CD81: variants seen among roughly 807,000 people sequenced by gnomAD.
CD81 encodes the protein CD81 molecule, also known as CD81 antigen.
In CD81, 10 loss-of-function variants were observed where a neutral mutation model predicts 30.1. The observed-to-expected ratio is 0.33, with a 90% CI of 0.21 to 0.56. CD81 has a LOEUF of 0.56. Ranked by LOEUF, CD81 falls within the 20% of genes least tolerant of loss-of-function variation. The pLI, the probability that CD81 is intolerant of heterozygous loss-of-function variation, is 0.89. For missense variants in CD81, 263 were observed against 308.7 expected, an observed-to-expected ratio of 0.85 and a Z score of 1.11; for synonymous variants, 147 against 126.4, an observed-to-expected ratio of 1.16 and a Z score of -1.10.
intron 1 of CD81, among the ~76,000 whole-genome samples, chr11:2,381,259 C>T (rs191083878): frequency 1.1e-4 from 16 of 152,368 alleles, no homozygotes; most frequent in Admixed American, 8.5e-4. Flanking sequence ...GGGCACAGAG[C>T]AAAAGCAGGG....
chr11:2,390,230 G>A (rs1372943391), intron 1 of CD81, 182 bp from the exon 2 acceptor site: 5 of 671,454 alleles, frequency 7.4e-6, no homozygotes, highest in Non-Finnish European at 5.4e-6. Context: ...CAAAGCACCC[G>A]CCCCATGCTC....
At chr11:2,394,874 C>T in intron 3 of CD81, 98 bp from the exon 4 acceptor site, 1 of 1,103,356 alleles carries the variant, frequency 9.1e-7, no homozygotes, top group Non-Finnish European at 1.4e-6. Flanking sequence ...CTCCCACTAG[C>T]CCCTCACAGA....
At chr11:2,393,254 A>T (rs1017916377) in intron 2 of CD81, 1 of 152,398 alleles carries the variant, frequency 6.6e-6, no homozygotes, top group African/African-American at 2.4e-5. Context: ...AGAGACACTG[A>T]CAGCTGTCCC....
chr11:2,386,514 A>G, intron 1 of CD81: 2 of 713,648 alleles, frequency 2.8e-6, no homozygotes, highest in Non-Finnish European at 2.6e-6. Flanking sequence ...TTCCTCATCC[A>G]GAAACCGGCA....
At chr11:2,390,349 G>A (rs944564663) in intron 1 of CD81, 63 bp from the exon 2 acceptor site, 24 of 1,284,762 alleles carry the variant, frequency 1.9e-5, no homozygotes, top group African/African-American at 2.9e-5. Flanking sequence ...TTGCGTGTGG[G>A]GTGGGCGCAC....
At chr11:2,390,275 C>T (rs369415798) in intron 1 of CD81, 137 bp from the exon 2 acceptor site, 1 of 774,474 alleles carries the variant, frequency 1.3e-6, no homozygotes, top group East Asian at 2.5e-5. Context: ...ATTGCGAAAA[C>T]CAGCAGCAGA....
intron 5 of CD81, 84 bp downstream of exon 5, chr11:2,395,604 G>A (rs901630930): frequency 1.6e-5 from 18 of 1,097,436 alleles, no homozygotes; most frequent in South Asian, 6.4e-5. Context: ...TCCTGCCTAC[G>A]CCCAGACCTC....
At chr11:2,376,639 T>C (rs1289652328), upstream of CD81, among the ~76,000 whole-genome samples, 1 of 152,160 alleles carries the variant, frequency 6.6e-6, no homozygotes, top group Non-Finnish European at 1.5e-5. Context: ...CCTATAGGTG[T>C]CTCTGGCCTC....
In CD81 at chr11:2,395,469, G is replaced by A; in HGVS notation, c.408G>A (p.Val136=). The A allele has an allele frequency of 6.2e-7, 1 of 1,612,814 alleles. No homozygotes were observed. The highest frequency in any genetic ancestry group is 8.5e-7 in the Non-Finnish European group (1 of 1,179,926). The change falls in exon 5 of 8, where the codon GTG becomes GTA. Residue 136 remains valine (V), a synonymous_variant. Coordinates refer to ENST00000263645, the MANE Select transcript of CD81 (RefSeq NM_004356.4). ...FYDQALQQAV[V]DDDANNAKAV... ...ACCAGGCCCTACAGCAGGCCGTGGT[G>A]GATGATGACGCCAACAACGCCAAGG...
rs1849647118 is a variant in CD81, at chr11:2,378,765, A to G, written c.66+1150A>G. On this transcript the variant is annotated intron_variant, in intron 1 of 7. Coordinates refer to ENST00000263645, the MANE Select transcript of CD81 (RefSeq NM_004356.4). The surrounding 1 kb of genome is among the most constrained non-coding windows in gnomAD (Gnocchi z 4.9). ...TCGTGGAAGACTCGGCTGATGTCCC[A>G]GTGGACCGAGTGTTTCTCAAGTTGA... Among the ~76,000 whole-genome samples the G allele has an allele frequency of 6.6e-6, 1 of 151,470 alleles. No homozygotes were observed. The highest frequency in any genetic ancestry group is 1.5e-5 in the Non-Finnish European group (1 of 67,876).
intron 1 of CD81, among the ~76,000 whole-genome samples, chr11:2,383,284 C>T (rs541980866): frequency 1.3e-5 from 2 of 152,208 alleles, no homozygotes; most frequent in South Asian, 2.1e-4. Flanking sequence ...TGCTCACCAC[C>T]TAGGAGGGCC....
At chr11:2,385,908 G>T in intron 1 of CD81, 1 of 658,010 alleles carries the variant, frequency 1.5e-6, no homozygotes, top group Non-Finnish European at 2.8e-6. Flanking sequence ...TTTCTCTTGG[G>T]TAAATACCTG....
At chr11:2,396,763 G>A (rs776676009) in intron 7 of CD81, 41 bp from the exon 8 acceptor site, 15 of 1,611,970 alleles carry the variant, frequency 9.3e-6, no homozygotes, top group African/African-American at 1.3e-5. Context: ...CCCCTTCCGC[G>A]GGGCCTTGTG....
intron 1 of CD81, among the ~76,000 whole-genome samples, chr11:2,385,503 CCGT>C (rs771801509): frequency 4.6e-5 from 7 of 152,000 alleles, no homozygotes; most frequent in South Asian, 2.1e-4. Context: ...CGTGGCCTGC[CCGT>C]CGTCTATGCA....
At chr11:2,376,712 G>C (rs918509588), upstream of CD81, 1 of 152,316 alleles carries the variant, frequency 6.6e-6, no homozygotes, top group Non-Finnish European at 1.5e-5. Context: ...TTCAGATGCA[G>C]ACTCCCACAG....
At position 2,377,547 on chromosome 11, in the gene CD81, G is replaced by T. The variant is rs376883566; in HGVS notation, c.-3G>T. On this transcript the variant is annotated 5_prime_UTR_variant, in exon 1 of 8. Transcript: ENST00000263645. This position sits in a 1 kb window ranked among gnomAD's most constrained non-coding sequence, Gnocchi z 7.7. ...CCGCAGGCCGCCCGCCGCCCGCGCCGCCATGGGAGTGGAGGGCTGCACCAA... is the reference window on the plus strand; with the variant it reads ...CCGCAGGCCGCCCGCCGCCCGCGCCTCCATGGGAGTGGAGGGCTGCACCAA... The T allele has an allele frequency of 1.4e-6, 2 of 1,431,350 alleles. No individual in the cohort carries two copies. The allele number at this position is 1,431,350 out of a possible 1,614,324, so 88.7% of individuals were successfully genotyped here. A position where few individuals can be genotyped will look rare whatever the true frequency, so the allele number is the denominator to read the frequency against.
chr11:2,390,870 C>T (rs913524385), intron 2 of CD81, among the ~76,000 whole-genome samples: 2 of 142,184 alleles, frequency 1.4e-5, no homozygotes, highest in African/African-American at 2.6e-5. Flanking sequence ...AGGCAGCTGG[C>T]GCTGTGGAGC....
intron 1 of CD81, among the ~76,000 whole-genome samples, chr11:2,384,377 T>C (rs1459625004): frequency 1.7e-4 from 12 of 69,124 alleles, no homozygotes; most frequent in African/African-American, 6.2e-4. Flanking sequence ...GGTGGGGCAT[T>C]TCCTGGGGTG....
chr11:2,393,822 A>C (rs1849946735), intron 2 of CD81: 3 of 634,886 alleles, frequency 4.7e-6, no homozygotes, highest in Non-Finnish European at 8.6e-6. Context: ...CCTGCGAAGC[A>C]CCTGTCGCCA....
Sources: allele counts gnomAD v4.1 joint callset (sites outside exome capture counted in the v4.1 genomes callset), GRCh38; gene constraint gnomAD v4.1.1; non-coding constraint Gnocchi (gnomAD v3.1); transcripts MANE v1.5; gene names NCBI Gene and HGNC (gene_info 2026-07-23, HGNC 2026-07-21).